Variants in MB21D2 observed in about 807,000 individuals in gnomAD.
The protein encoded by MB21D2 is nucleotidyltransferase MB21D2.
Under a neutral mutation model 33.3 loss-of-function variants are expected in MB21D2, and 9 were observed. The observed-to-expected ratio is 0.27, with a 90% CI of 0.16 to 0.47. The LOEUF is 0.47. MB21D2 is among the 20% of genes least tolerant of loss of function. The probability of loss-of-function intolerance (pLI) is 0.99; values close to 1 mark genes in which losing one functional copy is unlikely to be tolerated. For synonymous variants in MB21D2, 241 were observed against 236.3 expected, an observed-to-expected ratio of 1.02 and a Z score of -0.18; for missense variants, 540 against 624.6, an observed-to-expected ratio of 0.86 and a Z score of 1.44.
chr3:192,805,288 T>C (rs949766511), intron 1 of MB21D2, among the ~76,000 whole-genome samples: 19 of 152,192 alleles, frequency 1.2e-4, no homozygotes, highest in African/African-American at 3.6e-4. Flanking sequence ...TCTGCCTTGA[T>C]AGAGCCATTA....
intron 1 of MB21D2, among the ~76,000 whole-genome samples, chr3:192,882,937 T>C (rs1025436199): frequency 7.2e-5 from 11 of 151,974 alleles, no homozygotes; most frequent in Non-Finnish European, 4.4e-5. Context: ...TTTGCCATGT[T>C]GGCCAGGCTG....
intron 1 of MB21D2, among the ~76,000 whole-genome samples, chr3:192,832,527 C>A (rs529414181): frequency 3.3e-5 from 5 of 152,162 alleles, no homozygotes; most frequent in African/African-American, 2.4e-5. Flanking sequence ...TGCGGTGGGT[C>A]ACGCCTGTAA....
chr3:192,884,239 C>T (rs1300880948), intron 1 of MB21D2, among the ~76,000 whole-genome samples: 2 of 152,128 alleles, frequency 1.3e-5, no homozygotes, highest in South Asian at 4.1e-4. Context: ...TTAACTTCTC[C>T]ACCATTCAAA....
chr3:192,911,674 G>T (rs952796038), intron 1 of MB21D2, among the ~76,000 whole-genome samples: 2 of 130,524 alleles, frequency 1.5e-5, no homozygotes, highest in Non-Finnish European at 3.6e-5. Flanking sequence ...CCAATGAGTG[G>T]CATGACAAGG....
In MB21D2 at chr3:192,890,585, A is replaced by AG. The variant is rs1180742745; in HGVS notation, c.211+27044dup. On this transcript the variant is annotated intron_variant, in intron 1 of 1. Transcript: ENST00000392452. ...AATCTGTTCTGTAAGCAATGATTACAGAAAAAAAAAAAAAAATCCTACCTA... is the reference window on the plus strand; with the variant it reads ...AATCTGTTCTGTAAGCAATGATTACAGGAAAAAAAAAAAAAAATCCTACCTA... Among the ~76,000 whole-genome samples, 27 of 147,608 alleles carry AG rather than the reference A, an allele frequency of 1.8e-4. 1 individual carries two copies. The East Asian group carries it at 4.6e-3, about 25-fold the overall frequency.
At chr3:192,889,082 G>A (rs987413549) in intron 1 of MB21D2, among the ~76,000 whole-genome samples, 17 of 152,074 alleles carry the variant, frequency 1.1e-4, no homozygotes, top group African/African-American at 2.9e-4. Flanking sequence ...CAGCAAGCAC[G>A]CAATCCAGTG....
intron 1 of MB21D2, among the ~76,000 whole-genome samples, chr3:192,806,306 T>C (rs992719507): frequency 3.9e-5 from 6 of 152,232 alleles, no homozygotes; most frequent in African/African-American, 1.2e-4. Flanking sequence ...CTCCTACATA[T>C]GCTGAAATGT....
chr3:192,903,629 T>C (rs1714147440), intron 1 of MB21D2, among the ~76,000 whole-genome samples: 1 of 152,198 alleles, frequency 6.6e-6, no homozygotes, highest in Non-Finnish European at 1.5e-5. Flanking sequence ...ATAATAGTAC[T>C]AATAGAGTTT....
chr3:192,798,147 A>T lies in MB21D2; in HGVS notation c.*239T>A. 1 of 442,386 alleles carries T rather than the reference A, an allele frequency of 2.3e-6. No individual in the cohort carries two copies. Among genetic ancestry groups the T allele is most frequent in the Non-Finnish European group, 4.0e-6 (1 of 252,480 alleles). The allele number at this position is 442,386 out of a possible 1,614,324, so 27.4% of individuals were successfully genotyped here. ...TCTCCTTAAAAAGAAAAAAAACTCC[A>T]ACAAACTAAAGAGCATGACAATAAC... On this transcript the variant is annotated 3_prime_UTR_variant, in exon 2 of 2. Coordinates refer to ENST00000392452, the MANE Select transcript of MB21D2 (RefSeq NM_178496.4). This position sits in a 1 kb window ranked among gnomAD's most constrained non-coding sequence, Gnocchi z 4.8.
chr3:192,907,102 A>G (rs1380445308), intron 1 of MB21D2, among the ~76,000 whole-genome samples: 3 of 152,218 alleles, frequency 2.0e-5, no homozygotes, highest in African/African-American at 7.2e-5. Flanking sequence ...ACTTAAGTGG[A>G]TGAAAAACAG....
At chr3:192,896,088 C>T (rs1274096770) in intron 1 of MB21D2, among the ~76,000 whole-genome samples, 1 of 152,184 alleles carries the variant, frequency 6.6e-6, no homozygotes, top group African/African-American at 2.4e-5. Context: ...TAACATACAA[C>T]ACATGCATTA....
At chr3:192,855,581 T>G (rs1479631412) in intron 1 of MB21D2, among the ~76,000 whole-genome samples, 1 of 152,162 alleles carries the variant, frequency 6.6e-6, no homozygotes, top group Non-Finnish European at 1.5e-5. Flanking sequence ...TGCAGTATCA[T>G]CTCCATTTTA....
In MB21D2 at chr3:192,820,128, G is replaced by A. The variant is rs1712011800; in HGVS notation, c.212-20478C>T. On this transcript the variant is annotated intron_variant, in intron 1 of 1. Transcript: ENST00000392452. The stretch of plus-strand genomic sequence containing the variant: ...GTTTCTGTGGGGAGAGAAAGGGGAG[G>A]GAGATGCGATATTAAGAGTGAGTTT... Among the ~76,000 whole-genome samples the A allele has an allele frequency of 2.6e-5, 4 of 152,178 alleles. No individual in the cohort carries two copies. In the South Asian group the frequency reaches 8.3e-4, roughly 32 times the overall value.
At chr3:192,875,047 C>T (rs1560246781) in intron 1 of MB21D2, among the ~76,000 whole-genome samples, 2 of 151,980 alleles carry the variant, frequency 1.3e-5, no homozygotes, top group African/African-American at 4.8e-5. Context: ...TCTATTTATC[C>T]TAATTTGGGT....
At chr3:192,882,029 C>T (rs977905376) in intron 1 of MB21D2, among the ~76,000 whole-genome samples, 35 of 152,084 alleles carry the variant, frequency 2.3e-4, no homozygotes, top group Middle Eastern at 3.2e-3. Context: ...CTTTATAGGA[C>T]GGAATAGCCT....
intron 1 of MB21D2, among the ~76,000 whole-genome samples, chr3:192,877,805 C>T (rs922794983): frequency 2.0e-5 from 3 of 152,132 alleles, no homozygotes; most frequent in African/African-American, 7.2e-5. Context: ...GCAAGTACTG[C>T]AGACTGATAT....
intron 1 of MB21D2, among the ~76,000 whole-genome samples, chr3:192,860,733 C>T (rs944668726): frequency 6.6e-6 from 1 of 152,174 alleles, no homozygotes; most frequent in African/African-American, 2.4e-5. Context: ...GGGCAACTTC[C>T]CCTCCTTATG....
chr3:192,821,271 C>T (rs1197744042), intron 1 of MB21D2, among the ~76,000 whole-genome samples: 1 of 152,140 alleles, frequency 6.6e-6, no homozygotes, highest in Non-Finnish European at 1.5e-5. Context: ...TAAATAAATG[C>T]TCAAAGTTAC....
At chr3:192,844,590 T>C (rs904030690) in intron 1 of MB21D2, among the ~76,000 whole-genome samples, 5 of 152,316 alleles carry the variant, frequency 3.3e-5, no homozygotes, top group African/African-American at 1.2e-4. Flanking sequence ...TCTCCTGATA[T>C]CTCTCCCCTC....
Sources: allele counts gnomAD v4.1 joint callset (sites outside exome capture counted in the v4.1 genomes callset), GRCh38; gene constraint gnomAD v4.1.1; non-coding constraint Gnocchi (gnomAD v3.1); transcripts MANE v1.5; gene names NCBI Gene and HGNC (gene_info 2026-07-23, HGNC 2026-07-21).